The following UNC119 variants were observed in gnomAD, a reference collection of about 807,000 sequenced individuals.
UNC119 encodes protein unc-119 homolog A.
Under a neutral mutation model 22.6 loss-of-function variants are expected in UNC119, and 15 were observed. The ratio of observed to expected loss-of-function variants is 0.66; its 90% CI spans 0.44 to 1.02. The LOEUF (loss-of-function observed/expected upper bound fraction) is 1.02. UNC119 is among the 50% of genes least tolerant of loss of function. UNC119 has a pLI of 0.00. For synonymous variants in UNC119, 138 were observed against 139.4 expected (o/e 0.99, Z 0.07); for missense variants, 322 against 336.0 (o/e 0.96, Z 0.33).
Position 28,548,119 on chromosome 17 carries a change from T to C in UNC119, c.335-18A>G, listed in dbSNP as rs1567610850. The C allele has an allele frequency of 6.3e-7, 1 of 1,599,938 alleles. No individual in the cohort carries two copies. Among genetic ancestry groups the C allele is most frequent in the South Asian group, 1.1e-5 (1 of 89,484 alleles). ...CAACCGTTCTGCAATGTACCCCAGCTGGGGCTCAGTGGGCTTCAGGCTGGG... is the reference window on the plus strand; with the variant it reads ...CAACCGTTCTGCAATGTACCCCAGCCGGGGCTCAGTGGGCTTCAGGCTGGG... On this transcript the variant is annotated intron_variant, in intron 2 of 4. Coordinates refer to ENST00000335765, the MANE Select transcript of UNC119 (RefSeq NM_005148.4).
Position 28,547,690 on chromosome 17 carries a change from G to T in UNC119, c.597C>A (p.Leu199=). ...CTGCCCGCGCACTCAGCTCCTCGGAGAGAGGGGGGAAGTCGTAAATGTGCT... is the reference window on the plus strand; with the variant it reads ...CTGCCCGCGCACTCAGCTCCTCGGATAGAGGGGGGAAGTCGTAAATGTGCT... ...TCEHIYDFPP[L]SEELISEMIR... is the part of the protein sequence containing the mutation. The change falls in exon 4 of 5, where the codon CTC becomes CTA. Residue 199 remains leucine (L), a synonymous_variant. Coordinates refer to ENST00000335765, the MANE Select transcript of UNC119 (RefSeq NM_005148.4). 2 of 1,614,218 alleles carry T rather than the reference G, an allele frequency of 1.2e-6. No individual in the cohort carries two copies. The highest frequency in any genetic ancestry group is 1.7e-6 in the Non-Finnish European group (2 of 1,180,038).
At chr17:28,552,311 G>T in intron 1 of UNC119, 27 bp downstream of exon 1, 1 of 1,529,100 alleles carries the variant, frequency 6.5e-7, no homozygotes, top group Non-Finnish European at 8.8e-7. Flanking sequence ...TCCCACCCGC[G>T]GGCGGCGCTC....
Position 28,547,472 on chromosome 17 carries a change from G to C in UNC119, c.611-63C>G. The C allele has an allele frequency of 2.5e-6, 4 of 1,604,366 alleles. No individual in the cohort carries two copies. The South Asian group carries it at 4.4e-5, about 18-fold the overall frequency. ...GAGCTTGAGTCCCGCCACTGCAGGG[G>C]CTTCAGGACTGGGGTACAGGGACAG... On this transcript the variant is annotated intron_variant, in intron 4 of 4. Coordinates refer to ENST00000335765, the MANE Select transcript of UNC119 (RefSeq NM_005148.4).
Position 28,548,067 on chromosome 17 carries a change from G to T in UNC119, c.369C>A (p.Pro123=). 6.2e-7 allele frequency: 1 copy of T among 1,613,778 alleles called. No homozygotes were observed. Among genetic ancestry groups the T allele is most frequent in the Non-Finnish European group, 8.5e-7 (1 of 1,180,018 alleles). The part of the protein sequence containing the change: ...RLPINRRDLD[P]NAGRFVRYQF... ...GGTAGCGGACAAAGCGCCCAGCATT[G>T]GGGTCCAGGTCCCGCCGGTTGATGG... is the stretch of plus-strand genomic sequence containing the variant. The change falls in exon 3 of 5, where the codon CCC becomes CCA. Residue 123 remains proline, a synonymous_variant. Coordinates refer to ENST00000335765, the MANE Select transcript of UNC119 (RefSeq NM_005148.4).
At chr17:28,552,061 G>A (rs997144464) in intron 1 of UNC119, 2 of 644,460 alleles carry the variant, frequency 3.1e-6, no homozygotes, top group Non-Finnish European at 5.9e-6. Context: ...GCTGCCGCAC[G>A]TACCTCCACG....
chr17:28,551,795 C>T, intron 1 of UNC119: 1 of 213,704 alleles, frequency 4.7e-6, no homozygotes, highest in South Asian at 5.4e-5. Flanking sequence ...GAACCACAGC[C>T]AACACACTAA....
At position 28,547,394 on chromosome 17, in the gene UNC119, C is replaced by A. The variant is rs375147970; in HGVS notation, c.626G>T (p.Arg209Leu). The change falls in exon 5 of 5, where the codon CGC becomes CTC. Residue 209 changes from arginine (R) to leucine (L), a missense_variant. By Grantham distance (102) the Arg-to-Leu change is moderately radical. Coordinates refer to ENST00000335765, the MANE Select transcript of UNC119 (RefSeq NM_005148.4). ...GTCAGACTGGGTCTCATACGGGTGG[C>A]GGATCATCTCGCTGACTGCAAGAGA... ...LSEELISEMI[R>L]HPYETQSDSF... The A allele has an allele frequency of 6.2e-7, 1 of 1,614,040 alleles. No homozygotes were observed. Among genetic ancestry groups the A allele is most frequent in the South Asian group, 1.1e-5 (1 of 91,090 alleles).
chr17:28,548,946 G>A (rs1252654904), intron 1 of UNC119: 9 of 483,286 alleles, frequency 1.9e-5, no homozygotes, highest in Non-Finnish European at 3.4e-5. Flanking sequence ...GGCCAGGGAA[G>A]GGCAGGGCAG....
chr17:28,552,418 G>T lies in UNC119; in HGVS notation c.140C>A (p.Pro47Gln). 6.4e-7 allele frequency: 1 copy of T among 1,558,380 alleles called. No homozygotes were observed. ...SGSESEPDAG[P>Q]GPRPGPLQRK... ...CTGCAGCGGCCCCGGCCTGGGCCCT[G>T]GGCCTGCGTCCGGCTCCGACTCGGA... Residue 47 changes from proline (P) to glutamine (Q), a missense_variant, in exon 1 of 5, where the codon CCA becomes CAA. Physicochemically the swap from Pro to Gln is moderately conservative, Grantham distance 76 (BLOSUM62 -1). Coordinates refer to ENST00000335765, the MANE Select transcript of UNC119 (RefSeq NM_005148.4).
In UNC119 at chr17:28,548,121, G is replaced by A; in HGVS notation, c.335-20C>T. On this transcript the variant is annotated intron_variant, in intron 2 of 4. Coordinates refer to ENST00000335765, the MANE Select transcript of UNC119 (RefSeq NM_005148.4). ...ACCGTTCTGCAATGTACCCCAGCTG[G>A]GGCTCAGTGGGCTTCAGGCTGGGCC... 6.3e-7 allele frequency: 1 copy of A among 1,598,466 alleles called. No homozygotes were observed. Among genetic ancestry groups the A allele is most frequent in the Non-Finnish European group, 8.5e-7 (1 of 1,172,746 alleles).
chr17:28,552,281 C>T, intron 1 of UNC119, 57 bp downstream of exon 1: 1 of 1,478,294 alleles, frequency 6.8e-7, no homozygotes, highest in South Asian at 1.2e-5. Flanking sequence ...GCCGGGAGGG[C>T]CCCTCGCACC....
At position 28,552,420 on chromosome 17, in the gene UNC119, G is replaced by A; in HGVS notation, c.138C>T (p.Gly46=). The change falls in exon 1 of 5, where the codon GGC becomes GGT. Residue 46 remains glycine, a synonymous_variant. Coordinates refer to ENST00000335765, the MANE Select transcript of UNC119 (RefSeq NM_005148.4). ...ESGSESEPDA[G]PGPRPGPLQR... Reference sequence around the variant, plus strand: ...GCAGCGGCCCCGGCCTGGGCCCTGGGCCTGCGTCCGGCTCCGACTCGGACC... The same window carrying A: ...GCAGCGGCCCCGGCCTGGGCCCTGGACCTGCGTCCGGCTCCGACTCGGACC... 1 of 1,559,170 alleles carries A rather than the reference G, an allele frequency of 6.4e-7. No homozygotes were observed. Among genetic ancestry groups the A allele is most frequent in the Non-Finnish European group, 8.6e-7 (1 of 1,160,802 alleles).
rs2070231525 is a variant in UNC119, at chr17:28,548,113, C to T, written c.335-12G>A. 1 of 1,607,166 alleles carries T rather than the reference C, an allele frequency of 6.2e-7. No individual in the cohort carries two copies. The highest frequency in any genetic ancestry group is 1.3e-5 in the African/African-American group (1 of 74,832). On this transcript the variant is annotated splice_polypyrimidine_tract_variant and intron_variant, in intron 2 of 4. Coordinates refer to ENST00000335765, the MANE Select transcript of UNC119 (RefSeq NM_005148.4). The stretch of plus-strand genomic sequence containing the variant: ...GATGGGCAACCGTTCTGCAATGTAC[C>T]CCAGCTGGGGCTCAGTGGGCTTCAG...
chr17:28,550,430 C>T (rs1238346328), intron 1 of UNC119: 1 of 152,176 alleles, frequency 6.6e-6, no homozygotes, highest in African/African-American at 2.4e-5. Context: ...ACCTCTCTGT[C>T]CTTAGAAGAA....
Position 28,552,581 on chromosome 17 carries a change from C to T in UNC119, c.-24G>A. 6.7e-7 allele frequency: 1 copy of T among 1,487,222 alleles called. No homozygotes were observed. Among genetic ancestry groups the T allele is most frequent in the Non-Finnish European group, 8.9e-7 (1 of 1,126,134 alleles). The allele number at this position is 1,487,222 out of a possible 1,614,324, so 92.1% of individuals were successfully genotyped here. A position where few individuals can be genotyped will look rare whatever the true frequency, so the allele number is the denominator to read the frequency against. On this transcript the variant is annotated 5_prime_UTR_variant, in exon 1 of 5. Transcript: ENST00000335765. ...ATGGCCTTGCGGGGCCGAGGCTCGC[C>T]TGCTGCTGCCGCCGCTGCCTGCGCC...
chr17:28,552,460 G>T lies in UNC119; in HGVS notation c.98C>A (p.Ala33Glu). 6.3e-7 allele frequency: 1 copy of T among 1,577,664 alleles called. No individual in the cohort carries two copies. ...CGACTCGGACCCAGATTCGGATTCC[G>T]CAGGCGGCTGTGGTATGGGGGCCAC... ...QSVAPIPQPP[A>E]ESESGSESEP... The change falls in exon 1 of 5, where the codon GCG becomes GAG. Residue 33 changes from alanine (A) to glutamate (E), a missense_variant. Transcript: ENST00000335765.
chr17:28,550,572 C>G (rs2070259625), intron 1 of UNC119: 1 of 152,282 alleles, frequency 6.6e-6, no homozygotes, highest in Admixed American at 6.5e-5. Flanking sequence ...CACAACTGCT[C>G]TATTCCTCTC....
rs73986731 is a variant in UNC119 at position 28,548,552 on chromosome 17, C to G, written c.334+40G>C. On this transcript the variant is annotated intron_variant, in intron 2 of 4. Coordinates refer to ENST00000335765, the MANE Select transcript of UNC119 (RefSeq NM_005148.4). ...CCCTGGGCAGCCCACTCCGCAGCTC[C>G]TATCTGCCTCCCCATCAATGGCCCA... The G allele has an allele frequency of 4.0e-3, 6,182 of 1,558,954 alleles. 211 individuals carry two copies. In the African/African-American group the frequency reaches 0.07, roughly 18 times the overall value.
At position 28,547,373 on chromosome 17, in the gene UNC119, G is replaced by C; in HGVS notation, c.647C>G (p.Ser216Cys). ...EMIRHPYETQ[S>C]DSFYFVDDRL... ...GTCATCCACGAAGTAGAAGCTGTCAGACTGGGTCTCATACGGGTGGCGGAT... is the reference window on the plus strand; with the variant it reads ...GTCATCCACGAAGTAGAAGCTGTCACACTGGGTCTCATACGGGTGGCGGAT... The change falls in exon 5 of 5, where the codon TCT (serine) becomes TGT (cysteine). Residue 216 changes from serine to cysteine, a missense_variant. Physicochemically the swap from Ser to Cys is moderately radical, Grantham distance 112 (BLOSUM62 -1). Transcript: ENST00000335765. 1 of 1,614,236 alleles carries C rather than the reference G, an allele frequency of 6.2e-7. No homozygotes were observed. Among genetic ancestry groups the C allele is most frequent in the Non-Finnish European group, 8.5e-7 (1 of 1,180,032 alleles).
Sources: allele counts gnomAD v4.1 joint callset, GRCh38; gene constraint gnomAD v4.1.1; transcripts MANE v1.5; gene names NCBI Gene and HGNC (gene_info 2026-07-23, HGNC 2026-07-21).